The following RAP1GDS1 variants were observed in gnomAD, a reference collection of about 807,000 sequenced individuals.
RAP1GDS1 encodes the protein Rap1 GTPase-GDP dissociation stimulator 1, also known as RAP1, GTP-GDP dissociation stimulator 1.
A neutral mutation model predicts 71.1 loss-of-function variants in RAP1GDS1; 35 were observed. The ratio of observed to expected loss-of-function variants is 0.49; its 90% CI spans 0.38 to 0.65. RAP1GDS1 has a LOEUF of 0.65. RAP1GDS1 is among the 30% of genes least tolerant of loss of function. The pLI is 0.00. For missense variants in RAP1GDS1, 663 were observed against 706.1 expected, an observed-to-expected ratio of 0.94 and a Z score of 0.69; for synonymous variants, 229 against 243.1, an observed-to-expected ratio of 0.94 and a Z score of 0.54.
chr4:98,415,592 A>G (rs1747830195), intron 7 of RAP1GDS1, among the ~76,000 whole-genome samples: 1 of 152,180 alleles, frequency 6.6e-6, no homozygotes, highest in African/African-American at 2.4e-5. Flanking sequence ...GGCAAATATA[A>G]GCTCTTCAGT....
chr4:98,269,231 C>A (rs1170361274), intron 1 of RAP1GDS1, among the ~76,000 whole-genome samples: 1 of 143,954 alleles, frequency 6.9e-6, no homozygotes, highest in African/African-American at 2.6e-5. Flanking sequence ...ACAATCTCTT[C>A]AATAAACACT....
chr4:98,296,724 T>C (rs929780923), intron 2 of RAP1GDS1, among the ~76,000 whole-genome samples: 4 of 152,156 alleles, frequency 2.6e-5, no homozygotes, highest in African/African-American at 9.7e-5. Context: ...CTCTATTTTA[T>C]GGTTATTTGG....
Position 98,286,103 on chromosome 4 carries a change from C to CA in RAP1GDS1, c.5-7298dup, listed in dbSNP as rs1032383283. ...GCAACATAGAAAGACTCTGTCTGTC[C>CA]AAAAAAATAAAATTAGCTGGGCGTT... On this transcript the variant is annotated intron_variant, in intron 1 of 14. Coordinates refer to ENST00000408927, the MANE Select transcript of RAP1GDS1 (RefSeq NM_001100427.2). 2.7e-5 allele frequency among the ~76,000 whole-genome samples: 4 copies of CA among 150,922 alleles called. No individual in the cohort carries two copies. The East Asian group carries it at 7.7e-4, about 29-fold the overall frequency.
chr4:98,337,179 G>A (rs1734826748), intron 2 of RAP1GDS1, among the ~76,000 whole-genome samples: 1 of 152,148 alleles, frequency 6.6e-6, no homozygotes, highest in African/African-American at 2.4e-5. Context: ...ACAGGTGTGA[G>A]CCACTGCACC....
intron 4 of RAP1GDS1, among the ~76,000 whole-genome samples, chr4:98,365,969 G>A (rs974142882): frequency 6.6e-6 from 1 of 152,222 alleles, no homozygotes; most frequent in Non-Finnish European, 1.5e-5. Flanking sequence ...TAAGAAGCAA[G>A]TAATAGGACA....
chr4:98,287,360 C>T (rs1350133572), intron 1 of RAP1GDS1, among the ~76,000 whole-genome samples: 1 of 152,148 alleles, frequency 6.6e-6, no homozygotes, highest in African/African-American at 2.4e-5. Context: ...AGAGTTCAAA[C>T]TGCTTGACTC....
In RAP1GDS1 at chr4:98,401,199, T is replaced by C. The variant is rs77770716; in HGVS notation, c.638-3278T>C. Among the ~76,000 whole-genome samples, 1,392 of 152,286 alleles carry C rather than the reference T, an allele frequency of 9.1e-3. 22 individuals are homozygous for C. The highest frequency in any genetic ancestry group is 0.032 in the African/African-American group (1,322 of 41,562). On this transcript the variant is annotated intron_variant, in intron 6 of 14. Transcript: ENST00000408927. ...AGGAGAGTTCTTACAGGAAATGAAATTGATTAATATCTAAAGTGAATGCAT... is the reference window on the plus strand; with the variant it reads ...AGGAGAGTTCTTACAGGAAATGAAACTGATTAATATCTAAAGTGAATGCAT...
At chr4:98,277,633 T>C (rs987158630) in intron 1 of RAP1GDS1, among the ~76,000 whole-genome samples, 2 of 152,208 alleles carry the variant, frequency 1.3e-5, no homozygotes, top group African/African-American at 4.8e-5. Context: ...ACCTCTCATT[T>C]CTGTGGTACC....
chr4:98,413,353 A>G (rs902935041), intron 7 of RAP1GDS1, among the ~76,000 whole-genome samples: 1 of 151,876 alleles, frequency 6.6e-6, no homozygotes, highest in East Asian at 1.9e-4. Flanking sequence ...TATATCTCCC[A>G]ATGCTATCCC....
intron 1 of RAP1GDS1, among the ~76,000 whole-genome samples, chr4:98,288,500 A>G (rs967385898): frequency 8.5e-5 from 13 of 152,134 alleles, no homozygotes; most frequent in Non-Finnish European, 1.6e-4. Flanking sequence ...ATACGTGTGC[A>G]TGTGTCTTTA....
chr4:98,391,349 T>TAA (rs1743630028), intron 5 of RAP1GDS1, among the ~76,000 whole-genome samples: 3 of 152,142 alleles, frequency 2.0e-5, no homozygotes, highest in South Asian at 4.1e-4. Flanking sequence ...TATAATTAAA[T>TAA]AAAACTTTAA....
intron 1 of RAP1GDS1, among the ~76,000 whole-genome samples, chr4:98,290,727 C>T (rs574427612): frequency 2.0e-4 from 30 of 152,164 alleles, no homozygotes; most frequent in Middle Eastern, 3.4e-3. Flanking sequence ...TAGCTGTTCA[C>T]GGTTACCAGA....
rs73834415 is a variant in RAP1GDS1 at position 98,309,157 on chromosome 4, G to T, written c.112+15642G>T. Among the ~76,000 whole-genome samples the T allele has an allele frequency of 5.0e-3, 755 of 152,080 alleles. 7 individuals carry two copies. Among genetic ancestry groups the T allele is most frequent in the South Asian group, 0.018 (86 of 4,828 alleles). On this transcript the variant is annotated intron_variant, in intron 2 of 14. Transcript: ENST00000408927. ...TTCAAGATTTAATAATATATGAATA[G>T]AAATTTTTAATAAATTAGAACAAAA...
At chr4:98,411,680 C>T (rs1747081210) in intron 7 of RAP1GDS1, among the ~76,000 whole-genome samples, 1 of 152,148 alleles carries the variant, frequency 6.6e-6, no homozygotes, top group Admixed American at 6.6e-5. Context: ...CTGTTTTCCC[C>T]TCTGCCTTCA....
chr4:98,276,176 G>A (rs967030559), intron 1 of RAP1GDS1, among the ~76,000 whole-genome samples: 1 of 152,086 alleles, frequency 6.6e-6, no homozygotes, highest in African/African-American at 2.4e-5. Context: ...AAGGAGTGAG[G>A]AAGCTCTCTG....
At chr4:98,304,130 T>C (rs1728972823) in intron 2 of RAP1GDS1, among the ~76,000 whole-genome samples, 1 of 152,076 alleles carries the variant, frequency 6.6e-6, no homozygotes, top group African/African-American at 2.4e-5. Context: ...ATGTCTTTGC[T>C]ATTGTGAACA....
At chr4:98,361,331 T>TAA (rs774930509) in intron 4 of RAP1GDS1, among the ~76,000 whole-genome samples, 3 of 152,066 alleles carry the variant, frequency 2.0e-5, no homozygotes, top group South Asian at 2.1e-4. Context: ...ACAATTGGAG[T>TAA]AATAAATTGG....
At chr4:98,316,554 T>C (rs1730970986) in intron 2 of RAP1GDS1, among the ~76,000 whole-genome samples, 1 of 152,004 alleles carries the variant, frequency 6.6e-6, no homozygotes, top group African/African-American at 2.4e-5. Context: ...AGAGGCAAAC[T>C]GGGAGTAAGC....
At chr4:98,379,254 T>G in intron 5 of RAP1GDS1, 91 bp downstream of exon 5, 1 of 1,202,136 alleles carries the variant, frequency 8.3e-7, no homozygotes, top group Non-Finnish European at 1.1e-6. Flanking sequence ...TGAAAAATGA[T>G]GAACAAAGAA....
Sources: gnomAD v4.1 joint callset for allele counts (sites outside exome capture counted in the v4.1 genomes callset) on GRCh38, gnomAD v4.1.1 for gene constraint, MANE v1.5 for transcripts, NCBI Gene and HGNC (gene_info 2026-07-23, HGNC 2026-07-21) for gene names.